TSHZ1: variants seen among roughly 807,000 people sequenced by gnomAD.
The protein encoded by TSHZ1 is teashirt zinc finger homeobox 1.
TSHZ1 carries 12 observed loss-of-function variants against 67.1 expected under a neutral mutation model. That is an observed-to-expected ratio of 0.18 (90% CI 0.11 to 0.29). The LOEUF (loss-of-function observed/expected upper bound fraction) is 0.29, where lower values mean the gene tolerates loss of function less well. Ranked by LOEUF, TSHZ1 falls within the 10% of genes least tolerant of loss-of-function variation. The probability of loss-of-function intolerance (pLI) is 1.00; values close to 1 mark genes in which losing one functional copy is unlikely to be tolerated. For missense variants in TSHZ1, 1,305 were observed against 1,413.9 expected (o/e 0.92, Z 1.23); for synonymous variants, 632 against 622.4 (o/e 1.02, Z -0.23).
rs1013650292 is a variant in TSHZ1, at chr18:75,250,983, G to C, written c.41-34465G>C. The stretch of plus-strand genomic sequence containing the variant: ...GCGGGGACATGCCTCTTTGCAATGA[G>C]TGTAGTAGTTAACCCCATGCACAGG... On this transcript the variant is annotated intron_variant, in intron 1 of 1. Coordinates refer to ENST00000580243, the MANE Select transcript of TSHZ1 (RefSeq NM_001308210.2). Among the ~76,000 whole-genome samples the C allele has an allele frequency of 2.0e-5, 3 of 152,212 alleles. No homozygotes were observed. The East Asian group carries it at 5.8e-4, about 29-fold the overall frequency.
At chr18:75,220,150 G>A (rs991147519) in intron 1 of TSHZ1, among the ~76,000 whole-genome samples, 1 of 152,154 alleles carries the variant, frequency 6.6e-6, no homozygotes, top group East Asian at 1.9e-4. Flanking sequence ...TTAGGCTTGC[G>A]GGCAAGGTCC....
Position 75,281,622 on chromosome 18 carries a change from T to C in TSHZ1, c.41-3826T>C, listed in dbSNP as rs1173345607. ...ACAGGCCCTGGGGTTGTGGAGAAGG[T>C]GAGATTGGCCAGAGAGAGGCTGCAG... On this transcript the variant is annotated intron_variant, in intron 1 of 1. Transcript: ENST00000580243. This position sits in a 1 kb window ranked among gnomAD's most constrained non-coding sequence, Gnocchi z 5.3. Among the ~76,000 whole-genome samples, 2 of 151,246 alleles carry C rather than the reference T, an allele frequency of 1.3e-5. No individual in the cohort carries two copies. Among genetic ancestry groups the C allele is most frequent in the African/African-American group, 4.9e-5 (2 of 41,062 alleles).
rs1218045621 is a variant in TSHZ1 at position 75,287,015 on chromosome 18, G to T, written c.1608G>T (p.Leu536=). ...AGCCCAGCACCCTGTACCCGTACCT[G>T]CGTGAGGAGGACCTGGACGACAGCC... ...KFEPSTLYPY[L]REEDLDDSPK... Residue 536 remains leucine (L), a synonymous_variant, in exon 2 of 2, where the codon CTG becomes CTT. Transcript: ENST00000580243. The surrounding 1 kb of genome is among the most constrained non-coding windows in gnomAD (Gnocchi z 5.0). The T allele has an allele frequency of 1.2e-6, 2 of 1,613,998 alleles. No individual in the cohort carries two copies. The highest frequency in any genetic ancestry group is 1.7e-6 in the Non-Finnish European group (2 of 1,179,990).
Position 75,231,108 on chromosome 18 carries a change from G to T in TSHZ1, c.40+19192G>T, listed in dbSNP as rs193133436. Among the ~76,000 whole-genome samples, 6 of 152,348 alleles carry T rather than the reference G, an allele frequency of 3.9e-5. No homozygotes were observed. In the East Asian group the frequency reaches 1.2e-3, roughly 29 times the overall value. The stretch of plus-strand genomic sequence containing the variant: ...GAGGAGATGCAGTTTCTCTCCAGTG[G>T]TGGAGGGTGGGAACTGTGCGTGGGC... On this transcript the variant is annotated intron_variant, in intron 1 of 1. Transcript: ENST00000580243.
chr18:75,269,897 G>A (rs760110911), intron 1 of TSHZ1, among the ~76,000 whole-genome samples: 1 of 152,110 alleles, frequency 6.6e-6, no homozygotes, highest in African/African-American at 2.4e-5. Flanking sequence ...AACAGATTCC[G>A]ACAGGGCTTT....
At chr18:75,260,193 C>A (rs1285119557) in intron 1 of TSHZ1, among the ~76,000 whole-genome samples, 1 of 152,216 alleles carries the variant, frequency 6.6e-6, no homozygotes, top group African/African-American at 2.4e-5. Flanking sequence ...TGCGGCTTCT[C>A]GTGTTTCCCT....
chr18:75,284,367 G>A (rs1434624538), intron 1 of TSHZ1: 1 of 152,570 alleles, frequency 6.6e-6, no homozygotes, highest in East Asian at 1.9e-4. Flanking sequence ...GCTGGAGCGT[G>A]GACCGTTGGG....
At chr18:75,226,845 G>A (rs1274440799) in intron 1 of TSHZ1, among the ~76,000 whole-genome samples, 1 of 152,118 alleles carries the variant, frequency 6.6e-6, no homozygotes, top group Non-Finnish European at 1.5e-5. Flanking sequence ...CCCTTGCCAG[G>A]AAAGCCTGTG....
At position 75,253,511 on chromosome 18, in the gene TSHZ1, C is replaced by T. The variant is rs577741788; in HGVS notation, c.41-31937C>T. 1.7e-4 allele frequency among the ~76,000 whole-genome samples: 26 copies of T among 152,320 alleles called. No homozygotes were observed. The Middle Eastern group carries it at 0.014, about 80-fold the overall frequency. ...CAGGCTGCAGCAGCATGGGAACTCCCGCTCTTCAGCGGAGGTTTGGGAAGC... is the reference window on the plus strand; with the variant it reads ...CAGGCTGCAGCAGCATGGGAACTCCTGCTCTTCAGCGGAGGTTTGGGAAGC... On this transcript the variant is annotated intron_variant, in intron 1 of 1. Coordinates refer to ENST00000580243, the MANE Select transcript of TSHZ1 (RefSeq NM_001308210.2).
At chr18:75,266,228 C>T (rs567627670) in intron 1 of TSHZ1, among the ~76,000 whole-genome samples, 2 of 152,276 alleles carry the variant, frequency 1.3e-5, no homozygotes, top group South Asian at 2.1e-4. Flanking sequence ...ACTTAGCTGT[C>T]GAAGTCAACT....
At chr18:75,230,575 G>T (rs1276112250) in intron 1 of TSHZ1, among the ~76,000 whole-genome samples, 2 of 152,110 alleles carry the variant, frequency 1.3e-5, no homozygotes, top group African/African-American at 4.8e-5. Context: ...CATCTTAAGG[G>T]TCATCCATCA....
At position 75,223,658 on chromosome 18, in the gene TSHZ1, C is replaced by T. The variant is rs114716268; in HGVS notation, c.40+11742C>T. Among the ~76,000 whole-genome samples, 1,360 of 152,040 alleles carry T rather than the reference C, an allele frequency of 8.9e-3. 16 individuals are homozygous for T. The highest frequency in any genetic ancestry group is 0.031 in the African/African-American group (1,292 of 41,464). ...AAAAAAATTGTCCCCCACTCCCTACCCCGCCTCTCTTGCTAGGCATCCTTT... is the reference window on the plus strand; with the variant it reads ...AAAAAAATTGTCCCCCACTCCCTACTCCGCCTCTCTTGCTAGGCATCCTTT... On this transcript the variant is annotated intron_variant, in intron 1 of 1. Coordinates refer to ENST00000580243, the MANE Select transcript of TSHZ1 (RefSeq NM_001308210.2).
intron 1 of TSHZ1, among the ~76,000 whole-genome samples, chr18:75,241,455 G>A (rs748384064): frequency 1.3e-5 from 2 of 152,098 alleles, no homozygotes; most frequent in African/African-American, 2.4e-5. Context: ...CTCCCCCTCC[G>A]CATAAGGAGT....
At chr18:75,253,596 A>G (rs993383210) in intron 1 of TSHZ1, among the ~76,000 whole-genome samples, 1 of 152,266 alleles carries the variant, frequency 6.6e-6, no homozygotes, top group Non-Finnish European at 1.5e-5. Flanking sequence ...ACCCTGGAAA[A>G]GGAAACCATC....
At chr18:75,239,930 G>A (rs940891865) in intron 1 of TSHZ1, among the ~76,000 whole-genome samples, 5 of 152,182 alleles carry the variant, frequency 3.3e-5, no homozygotes, top group Admixed American at 6.5e-5. Flanking sequence ...CCACCATTTC[G>A]AGAAAACTCT....
chr18:75,219,680 C>T (rs77622236), intron 1 of TSHZ1, among the ~76,000 whole-genome samples: 3,421 of 152,316 alleles, frequency 0.022, 85 homozygotes, highest in East Asian at 0.11. Context: ...CACAACAACG[C>T]AGTATTCTTC....
chr18:75,262,677 C>A (rs2023445114), intron 1 of TSHZ1, among the ~76,000 whole-genome samples: 1 of 152,212 alleles, frequency 6.6e-6, no homozygotes, highest in Non-Finnish European at 1.5e-5. Context: ...CAGCAGGGCA[C>A]TTCTCTGTTT....
At chr18:75,243,405 C>T (rs779540301) in intron 1 of TSHZ1, among the ~76,000 whole-genome samples, 4 of 152,006 alleles carry the variant, frequency 2.6e-5, no homozygotes, top group East Asian at 1.9e-4. Context: ...GGGAAAAAGA[C>T]GCGTGTGTAT....
chr18:75,286,468 G>A lies in TSHZ1; in HGVS notation c.1061G>A (p.Arg354Gln), dbSNP rs768800266. Residue 354 changes from arginine (R) to glutamine (Q), a missense_variant, in exon 2 of 2, where the codon CGG becomes CAG. Physicochemically the swap from Arg to Gln is conservative, Grantham distance 43. Transcript: ENST00000580243. This position sits in a 1 kb window ranked among gnomAD's most constrained non-coding sequence, Gnocchi z 5.1. Reference protein sequence around the residue: ...ITKLVPSTKKRALQDLAPPCS... With the variant: ...ITKLVPSTKKQALQDLAPPCS... ...AAACTGGTCCCCTCCACCAAAAAGC[G>A]GGCGCTTCAGGACCTGGCGCCCCCC... The A allele has an allele frequency of 2.5e-5, 40 of 1,614,078 alleles. No homozygotes were observed. The highest frequency in any genetic ancestry group is 1.0e-4 in the Admixed American group (6 of 60,012).
Sources: gnomAD v4.1 joint callset for allele counts (sites outside exome capture counted in the v4.1 genomes callset) on GRCh38, gnomAD v4.1.1 for gene constraint, Gnocchi (gnomAD v3.1) non-coding constraint, MANE v1.5 for transcripts, NCBI Gene and HGNC (gene_info 2026-07-23, HGNC 2026-07-21) for gene names.